The following LEPROTL1 variants were observed in gnomAD, a reference collection of about 807,000 sequenced individuals.
LEPROTL1 encodes leptin receptor overlapping transcript like 1, also known as leptin receptor overlapping transcript-like 1.
In LEPROTL1, 6 loss-of-function variants were observed where a neutral mutation model predicts 15.4. The ratio of observed to expected loss-of-function variants is 0.39; its 90% CI spans 0.21 to 0.77. The LOEUF (loss-of-function observed/expected upper bound fraction) is 0.77. LEPROTL1 is among the 30% of genes least tolerant of loss of function. The probability of loss-of-function intolerance (pLI) is 0.41; values close to 1 mark genes in which losing one functional copy is unlikely to be tolerated. For synonymous variants in LEPROTL1, 56 were observed against 52.6 expected (o/e 1.06, Z -0.28); for missense variants, 128 against 158.1 (o/e 0.81, Z 1.02).
chr8:30,119,062 A>T lies in LEPROTL1; in HGVS notation c.280-13313A>T, dbSNP rs184547413. On this transcript the variant is annotated intron_variant, in intron 3 of 4. Coordinates refer to the LEPROTL1 transcript ENST00000442880. ...TGGGGAGAAACCTTGGACAATACCC[A>T]GCTTTCCAGGGCAGAGGTCCCTTAG... Among the ~76,000 whole-genome samples the T allele has an allele frequency of 7.9e-5, 12 of 152,346 alleles. No homozygotes were observed. The East Asian group carries it at 2.3e-3, about 29-fold the overall frequency.
chr8:30,095,668 C>G (rs919880081), intron 1 of LEPROTL1, 140 bp downstream of exon 1: 26 of 742,990 alleles, frequency 3.5e-5, no homozygotes, highest in African/African-American at 1.9e-4. Context: ...ACCCCCGCCC[C>G]GGCCCTGCGC....
intron 3 of LEPROTL1, 30 bp downstream of exon 3, chr8:30,104,516 T>G (rs893478015): frequency 6.8e-7 from 1 of 1,460,638 alleles, no homozygotes; most frequent in Non-Finnish European, 9.2e-7. Flanking sequence ...CATTAATGAT[T>G]TTATATTGAA....
chr8:30,123,599 GTC>G (rs929079900), intron 3 of LEPROTL1, among the ~76,000 whole-genome samples: 3 of 151,986 alleles, frequency 2.0e-5, no homozygotes, highest in Non-Finnish European at 2.9e-5. Flanking sequence ...GTTTCGCTCC[GTC>G]TCTCTCTCAC....
chr8:30,100,240 T>C (rs1380013459), intron 1 of LEPROTL1, among the ~76,000 whole-genome samples: 1 of 152,202 alleles, frequency 6.6e-6, no homozygotes, highest in Non-Finnish European at 1.5e-5. Flanking sequence ...TCAGTAGTAC[T>C]TGGCAAAGTT....
chr8:30,113,918 G>T (rs1238275854), intron 3 of LEPROTL1, among the ~76,000 whole-genome samples: 1 of 152,154 alleles, frequency 6.6e-6, no homozygotes, highest in African/African-American at 2.4e-5. Flanking sequence ...ACAGTTTTAA[G>T]TATTGGAGCC....
At chr8:30,132,988 C>T (rs1036090306) in intron 4 of LEPROTL1, 37 of 1,379,558 alleles carry the variant, frequency 2.7e-5, no homozygotes, top group Middle Eastern at 2.6e-4. Context: ...TACATGATCT[C>T]GCAGGAAATA....
At chr8:30,124,423 C>T (rs963200302) in intron 3 of LEPROTL1, among the ~76,000 whole-genome samples, 6 of 152,122 alleles carry the variant, frequency 3.9e-5, no homozygotes, top group African/African-American at 1.4e-4. Context: ...CTGTTTCGTC[C>T]ATGTATTCTC....
At chr8:30,111,655 G>T (rs1353234675), downstream of LEPROTL1, among the ~76,000 whole-genome samples, 2 of 152,226 alleles carry the variant, frequency 1.3e-5, no homozygotes, top group Non-Finnish European at 2.9e-5. Context: ...AATCTAATGA[G>T]ATAAGAGAGA....
Position 30,108,456 on chromosome 8 carries a change from A to G in LEPROTL1, c.*2594A>G, listed in dbSNP as rs1802606813. ...TTATTATAGCATGTTACTTTTTGCAAACATTTTAAACAAAAAATATTTCTG... is the reference window on the plus strand; with the variant it reads ...TTATTATAGCATGTTACTTTTTGCAGACATTTTAAACAAAAAATATTTCTG... On this transcript the variant is annotated 3_prime_UTR_variant, in exon 4 of 4. Transcript: ENST00000321250. The G allele has an allele frequency of 1.3e-5, 2 of 152,168 alleles. No homozygotes were observed. Among genetic ancestry groups the G allele is most frequent in the Admixed American group, 1.3e-4 (2 of 15,266 alleles). The allele number at this position is 152,168 out of a possible 1,614,324, so 9.4% of individuals were successfully genotyped here.
chr8:30,119,818 C>T (rs1221258189), intron 3 of LEPROTL1, among the ~76,000 whole-genome samples: 1 of 152,100 alleles, frequency 6.6e-6, no homozygotes. Flanking sequence ...TCTATAATCC[C>T]AGCACTTTGG....
chr8:30,104,569 T>G, intron 3 of LEPROTL1, 83 bp downstream of exon 3: 1 of 818,154 alleles, frequency 1.2e-6, no homozygotes, highest in Non-Finnish European at 1.8e-6. Flanking sequence ...GTTAATGACA[T>G]GAAAAGAGGT....
At chr8:30,115,818 TA>T (rs1295996747) in intron 3 of LEPROTL1, among the ~76,000 whole-genome samples, 1 of 152,046 alleles carries the variant, frequency 6.6e-6, no homozygotes, top group Non-Finnish European at 1.5e-5. Context: ...CAAAGATCTA[TA>T]AAAATTTTAA....
At chr8:30,103,937 C>A (rs1271336616) in intron 2 of LEPROTL1, among the ~76,000 whole-genome samples, 2 of 152,136 alleles carry the variant, frequency 1.3e-5, no homozygotes, top group Admixed American at 6.6e-5. Flanking sequence ...CCCCTGTACC[C>A]TCCACACAGC....
chr8:30,127,204 T>C (rs757028961), intron 3 of LEPROTL1, among the ~76,000 whole-genome samples: 6 of 152,264 alleles, frequency 3.9e-5, no homozygotes, highest in Non-Finnish European at 8.8e-5. Flanking sequence ...CATTTTCTTA[T>C]TAACCTTTGC....
intron 3 of LEPROTL1, among the ~76,000 whole-genome samples, chr8:30,122,602 C>A (rs1802845951): frequency 6.6e-6 from 1 of 152,272 alleles, no homozygotes; most frequent in Non-Finnish European, 1.5e-5. Context: ...ACCAGCCTGG[C>A]CAACATGGTG....
intron 3 of LEPROTL1, among the ~76,000 whole-genome samples, chr8:30,122,143 G>T (rs959740632): frequency 6.6e-6 from 1 of 151,718 alleles, no homozygotes; most frequent in Non-Finnish European, 1.5e-5. Context: ...CTCCAGCCTG[G>T]GCAACAGAGC....
chr8:30,136,405 G>A (rs535852987), intron 4 of LEPROTL1, among the ~76,000 whole-genome samples: 3 of 152,260 alleles, frequency 2.0e-5, no homozygotes, highest in South Asian at 2.1e-4. Context: ...CCCTGCTGAC[G>A]TCATCATCAG....
intron 4 of LEPROTL1, among the ~76,000 whole-genome samples, chr8:30,136,521 C>G (rs1803143827): frequency 6.6e-6 from 1 of 152,156 alleles, no homozygotes; most frequent in Non-Finnish European, 1.5e-5. Flanking sequence ...AGCAGAGCCC[C>G]CCATTCCAGG....
intron 3 of LEPROTL1, among the ~76,000 whole-genome samples, chr8:30,113,932 C>T (rs906595240): frequency 4.6e-5 from 7 of 152,164 alleles, no homozygotes; most frequent in Non-Finnish European, 2.9e-5. Flanking sequence ...TGGAGCCACC[C>T]ACCGGCCTAG....
Sources: allele counts gnomAD v4.1 joint callset (sites outside exome capture counted in the v4.1 genomes callset), GRCh38; gene constraint gnomAD v4.1.1; transcripts MANE v1.5; gene names NCBI Gene and HGNC (gene_info 2026-07-23, HGNC 2026-07-21).